The following STK24 variants were observed in gnomAD, a reference collection of about 807,000 sequenced individuals.
STK24 encodes serine/threonine-protein kinase 24.
In STK24, 21 loss-of-function variants were observed where a neutral mutation model predicts 55.6. The ratio of observed to expected loss-of-function variants is 0.38; its 90% CI spans 0.27 to 0.54. The LOEUF is 0.54. STK24 is among the 20% of genes least tolerant of loss of function. STK24 has a pLI of 0.79. For missense variants in STK24, 383 were observed against 538.4 expected, an observed-to-expected ratio of 0.71 and a Z score of 2.86; for synonymous variants, 200 against 215.2, an observed-to-expected ratio of 0.93 and a Z score of 0.62.
At chr13:98,567,316 G>A (rs916601999) in intron 1 of STK24, among the ~76,000 whole-genome samples, 5 of 149,190 alleles carry the variant, frequency 3.4e-5, no homozygotes, top group African/African-American at 7.3e-5. Flanking sequence ...TGTGGCACAC[G>A]TGTGCCCCAG....
chr13:98,555,119 G>C (rs979391949), intron 1 of STK24, among the ~76,000 whole-genome samples: 2 of 151,866 alleles, frequency 1.3e-5, no homozygotes, highest in African/African-American at 4.8e-5. Flanking sequence ...GATTGGTCTA[G>C]TGTGTATCTT....
At chr13:98,507,506 G>A (rs1369531311) in intron 2 of STK24, among the ~76,000 whole-genome samples, 2 of 152,230 alleles carry the variant, frequency 1.3e-5, no homozygotes, top group South Asian at 4.1e-4. Flanking sequence ...CCTAGAGAAA[G>A]AAAGATAAGG....
chr13:98,446,261 G>A lies in STK24; in HGVS notation c.*6912C>T, dbSNP rs1161512800. 4.8e-5 allele frequency: 55 copies of A among 1,145,264 alleles called. No homozygotes were observed. Among genetic ancestry groups the A allele is most frequent in the Non-Finnish European group, 7.0e-5 (53 of 762,102 alleles). The allele number at this position is 1,145,264 out of a possible 1,614,324, so 70.9% of individuals were successfully genotyped here. ...GGGACCTTGGGGGTGGCAGCATGAG[G>A]TGAGGGGGCCGCCCTCCTCTGGAAT... On this transcript the variant is annotated 3_prime_UTR_variant, in exon 11 of 11. Coordinates refer to ENST00000539966, the MANE Select transcript of STK24 (RefSeq NM_001032296.4).
intron 1 of STK24, among the ~76,000 whole-genome samples, chr13:98,557,422 C>G (rs189873413): frequency 6.6e-6 from 1 of 152,338 alleles, no homozygotes; most frequent in East Asian, 1.9e-4. Context: ...TCATTCGCCC[C>G]AGGGCACCTC....
At chr13:98,542,885 A>C in intron 1 of STK24, 14 of 985,402 alleles carry the variant, frequency 1.4e-5, no homozygotes, top group Non-Finnish European at 1.7e-5. Context: ...AGACCCCCTC[A>C]TTTCCAAACA....
intron 6 of STK24, 105 bp downstream of exon 6, chr13:98,466,271 C>T (rs895465783): frequency 2.7e-6 from 3 of 1,129,014 alleles, no homozygotes; most frequent in African/African-American, 3.1e-5. Flanking sequence ...TGAATAATAC[C>T]AGGAAGACAG....
chr13:98,491,085 C>T (rs987621414), intron 2 of STK24, among the ~76,000 whole-genome samples: 1 of 152,186 alleles, frequency 6.6e-6, no homozygotes, highest in Non-Finnish European at 1.5e-5. Flanking sequence ...AGGCACTGCG[C>T]TGGGTTTCTG....
rs201287630 is a variant in STK24 at position 98,446,090 on chromosome 13, C to G, written c.*7083G>C. The G allele has an allele frequency of 6.2e-7, 1 of 1,603,370 alleles. No individual in the cohort carries two copies. Among genetic ancestry groups the G allele is most frequent in the African/African-American group, 1.3e-5 (1 of 74,868 alleles). Reference sequence around the variant, plus strand: ...GCTGTGCTTCTCACAGGCCTCCTTGCCTTTCAGAATCAGTTGTCTGGAAAC... The same window carrying G: ...GCTGTGCTTCTCACAGGCCTCCTTGGCTTTCAGAATCAGTTGTCTGGAAAC... On this transcript the variant is annotated 3_prime_UTR_variant, in exon 11 of 11. Transcript: ENST00000539966.
intron 2 of STK24, among the ~76,000 whole-genome samples, chr13:98,488,208 G>GACACACAC: frequency 1.0e-5 from 1 of 100,432 alleles, no homozygotes; most frequent in African/African-American, 3.6e-5. Flanking sequence ...CACACACACG[G>GACACACAC]GAAGACCACA....
intron 1 of STK24, among the ~76,000 whole-genome samples, chr13:98,546,267 G>A (rs1039845403): frequency 1.3e-5 from 2 of 152,188 alleles, no homozygotes; most frequent in Non-Finnish European, 2.9e-5. Context: ...CCCAAAGGCA[G>A]TGCTATCCCA....
chr13:98,502,705 G>A (rs1050075160), intron 2 of STK24, among the ~76,000 whole-genome samples: 1 of 152,126 alleles, frequency 6.6e-6, no homozygotes, highest in African/African-American at 2.4e-5. Context: ...GAAAGCCCTC[G>A]CCAGATGCCA....
intron 2 of STK24, chr13:98,508,924 T>C (rs1895785876): frequency 6.6e-6 from 1 of 152,232 alleles, no homozygotes; most frequent in African/African-American, 2.4e-5. Context: ...GCTTGAGGAA[T>C]GTGACTAGCG....
At chr13:98,505,443 G>A (rs1486609075) in intron 2 of STK24, among the ~76,000 whole-genome samples, 1 of 152,264 alleles carries the variant, frequency 6.6e-6, no homozygotes, top group African/African-American at 2.4e-5. Context: ...AAGCATGTAT[G>A]TAAATGAAGA....
At position 98,463,822 on chromosome 13, in the gene STK24, C is replaced by T; in HGVS notation, c.798G>A (p.Lys266=). ...GTATAAACTTGTGCTTCAATAACTC[C>T]TTAGCAGTGGGTCTCTGGAAAAACA... is the stretch of plus-strand genomic sequence containing the variant. ...NKEPSFRPTA[K]ELLKHKFILR... is the part of the protein sequence containing the mutation. The change falls in exon 7 of 11, where the codon AAG becomes AAA. Residue 266 remains lysine, a synonymous_variant. Transcript: ENST00000539966. The T allele has an allele frequency of 6.2e-7, 1 of 1,613,386 alleles. No individual in the cohort carries two copies. Among genetic ancestry groups the T allele is most frequent in the Admixed American group, 1.7e-5 (1 of 59,820 alleles).
intron 10 of STK24, chr13:98,454,416 C>G (rs902682905): frequency 9.2e-5 from 14 of 152,196 alleles, no homozygotes; most frequent in African/African-American, 2.7e-4. Flanking sequence ...TTATCTCAAA[C>G]GTTCCAATCT....
chr13:98,490,933 G>A (rs1895006340), intron 2 of STK24, among the ~76,000 whole-genome samples: 1 of 152,064 alleles, frequency 6.6e-6, no homozygotes, highest in Non-Finnish European at 1.5e-5. Flanking sequence ...GGAGAGGCTA[G>A]ATGGAGAATG....
Position 98,450,769 on chromosome 13 carries a change from C to G in STK24, c.*2404G>C, listed in dbSNP as rs1168229443. On this transcript the variant is annotated 3_prime_UTR_variant, in exon 11 of 11. Coordinates refer to ENST00000539966, the MANE Select transcript of STK24 (RefSeq NM_001032296.4). ...GCTGAGGCAGGTTCCAGTGGTAGCC[C>G]TGGTGCCTGGGCTCTCTCTTAATGC... 6.6e-6 allele frequency: 1 copy of G among 152,284 alleles called. No individual in the cohort carries two copies. The highest frequency in any genetic ancestry group is 1.5e-5 in the Non-Finnish European group (1 of 68,078). The allele number at this position is 152,284 out of a possible 1,614,324, so 9.4% of individuals were successfully genotyped here. A position where few individuals can be genotyped will look rare whatever the true frequency, so the allele number is the denominator to read the frequency against.
intron 1 of STK24, chr13:98,522,125 T>C (rs1761312863): frequency 2.4e-6 from 3 of 1,251,990 alleles, no homozygotes. Context: ...ATGTCGTGTC[T>C]GAGCCTTGTC....
At chr13:98,462,688 C>A (rs772627272) in intron 7 of STK24, among the ~76,000 whole-genome samples, 2 of 152,172 alleles carry the variant, frequency 1.3e-5, no homozygotes, top group Non-Finnish European at 2.9e-5. Flanking sequence ...GCCCGCTTCA[C>A]CTGCCCAGCT....
Sources: allele counts gnomAD v4.1 joint callset (sites outside exome capture counted in the v4.1 genomes callset), GRCh38; gene constraint gnomAD v4.1.1; transcripts MANE v1.5; gene names NCBI Gene and HGNC (gene_info 2026-07-23, HGNC 2026-07-21).